Variants in FANCL observed in about 807,000 individuals in gnomAD.
The protein encoded by FANCL is FA complementation group L, also known as E3 ubiquitin-protein ligase FANCL.
Under a neutral mutation model 59.4 loss-of-function variants are expected in FANCL, and 69 were observed. That is an observed-to-expected ratio of 1.16 (90% CI 0.96 to 1.42). FANCL has a LOEUF of 1.42. Ranked by LOEUF, FANCL falls within the 40% of genes most tolerant of loss-of-function variation. The pLI is 0.00. For missense variants in FANCL, 519 were observed against 447.2 expected (o/e 1.16, Z -1.45); for synonymous variants, 180 against 147.1 (o/e 1.22, Z -1.62).
chr2:58,164,375 G>A (rs930632876), intron 8 of FANCL, among the ~76,000 whole-genome samples: 2 of 151,916 alleles, frequency 1.3e-5, no homozygotes, highest in African/African-American at 4.8e-5. Context: ...AGAAAAAAAT[G>A]ACTAGCCATT....
rs980090918 is a variant in FANCL, at chr2:58,162,757, T to C, written c.903+109A>G. ...TGATGCAGATCAGAAGTCTGTGTTA[T>C]AATATTTTTCTAATTCCCTCCTTTT... On this transcript the variant is annotated intron_variant, in intron 11 of 13. Coordinates refer to ENST00000233741, the MANE Select transcript of FANCL (RefSeq NM_018062.4). 4.5e-5 allele frequency: 43 copies of C among 959,850 alleles called. No individual in the cohort carries two copies. The African/African-American group carries it at 5.2e-4, about 12-fold the overall frequency. 59.5% of individuals were successfully genotyped at this position (959,850 alleles called of 1,614,324 possible).
At chr2:58,171,950 T>C (rs768819241) in intron 7 of FANCL, among the ~76,000 whole-genome samples, 1 of 152,104 alleles carries the variant, frequency 6.6e-6, no homozygotes, top group Non-Finnish European at 1.5e-5. Flanking sequence ...CACCAGGAGA[T>C]TACATCCCGC....
At chr2:58,169,989 T>C (rs1422598581) in intron 7 of FANCL, among the ~76,000 whole-genome samples, 4 of 151,980 alleles carry the variant, frequency 2.6e-5, no homozygotes, top group African/African-American at 7.2e-5. Context: ...TTCAGGATGT[T>C]ATCCAGGACA....
intron 7 of FANCL, among the ~76,000 whole-genome samples, chr2:58,171,668 G>A (rs1035474379): frequency 2.6e-5 from 4 of 152,214 alleles, no homozygotes; most frequent in African/African-American, 7.2e-5. Flanking sequence ...ACAGCTCCCA[G>A]GGTGAGCGAC....
At chr2:58,208,634 T>C (rs190219773) in intron 5 of FANCL, among the ~76,000 whole-genome samples, 21 of 152,314 alleles carry the variant, frequency 1.4e-4, no homozygotes, top group African/African-American at 3.8e-4. Context: ...GCAGACTGCT[T>C]CAAAAGACAG....
intron 12 of FANCL, 35 bp from the exon 13 acceptor site, chr2:58,160,214 CATG>C: frequency 6.3e-7 from 1 of 1,599,142 alleles, no homozygotes; most frequent in Non-Finnish European, 8.6e-7. Flanking sequence ...GAAGCGTCAG[CATG>C]ATTACAAATT....
intron 4 of FANCL, among the ~76,000 whole-genome samples, chr2:58,225,995 T>TA (rs925758203): frequency 4.1e-4 from 63 of 152,148 alleles, no homozygotes; most frequent in African/African-American, 1.4e-3. Context: ...TATAATAATA[T>TA]ATTTAAAAAC....
Position 58,204,214 on chromosome 2 carries a change from C to G in FANCL, c.387G>C (p.Ala129=). Reference sequence around the variant, plus strand: ...ACTTGATGGTACTGAAGCAGGTATCCGCATACACAAGTCTGGTGAGCAGAG... The same window carrying G: ...ACTTGATGGTACTGAAGCAGGTATCGGCATACACAAGTCTGGTGAGCAGAG... ...GTLGWDKLVY[A]DTCFSTIKLK... The change falls in exon 6 of 14, where the codon GCG becomes GCC. Residue 129 remains alanine, a synonymous_variant. Transcript: ENST00000233741. 2 of 1,612,850 alleles carry G rather than the reference C, an allele frequency of 1.2e-6. No homozygotes were observed. Among genetic ancestry groups the G allele is most frequent in the Non-Finnish European group, 1.7e-6 (2 of 1,179,038 alleles).
At chr2:58,197,271 T>C (rs187031955) in intron 7 of FANCL, among the ~76,000 whole-genome samples, 112 of 152,094 alleles carry the variant, frequency 7.4e-4, no homozygotes, top group African/African-American at 2.4e-3. Context: ...GGCTTTTTAT[T>C]TTTTTACTAA....
At chr2:58,206,195 G>A (rs568233855) in intron 5 of FANCL, among the ~76,000 whole-genome samples, 1 of 152,118 alleles carries the variant, frequency 6.6e-6, no homozygotes, top group African/African-American at 2.4e-5. Flanking sequence ...CGTGAAAGAG[G>A]TTTAAGAAAC....
At chr2:58,165,973 T>A (rs1012329901) in intron 7 of FANCL, 99 bp from the exon 8 acceptor site, 1 of 1,229,420 alleles carries the variant, frequency 8.1e-7, no homozygotes, top group African/African-American at 1.5e-5. Context: ...TTTAAGCTGT[T>A]TCATTTTAGC....
chr2:58,159,495 G>C lies in FANCL; in HGVS notation c.*270C>G. On this transcript the variant is annotated 3_prime_UTR_variant, in exon 14 of 14. Coordinates refer to ENST00000233741, the MANE Select transcript of FANCL (RefSeq NM_018062.4). ...ATTTTACCAGTCCAGATATATTCAA[G>C]AAGTCAAGATCTCCATCTTGGTATA... is the stretch of plus-strand genomic sequence containing the variant. 1 of 1,613,634 alleles carries C rather than the reference G, an allele frequency of 6.2e-7. No individual in the cohort carries two copies. Among genetic ancestry groups the C allele is most frequent in the Non-Finnish European group, 8.5e-7 (1 of 1,179,740 alleles).
At chr2:58,196,601 T>A (rs1304352544) in intron 7 of FANCL, among the ~76,000 whole-genome samples, 1 of 151,984 alleles carries the variant, frequency 6.6e-6, no homozygotes, top group Non-Finnish European at 1.5e-5. Flanking sequence ...AGCATGTGGA[T>A]ATAAAATTTA....
At chr2:58,187,555 T>TA in intron 7 of FANCL, among the ~76,000 whole-genome samples, 1 of 151,308 alleles carries the variant, frequency 6.6e-6, no homozygotes, top group East Asian at 1.9e-4. Context: ...CCCTAAAACT[T>TA]AAAGTATAAT....
intron 5 of FANCL, among the ~76,000 whole-genome samples, chr2:58,217,178 A>ATT (rs1558806409): frequency 7.6e-3 from 67 of 8,800 alleles, no homozygotes; most frequent in African/African-American, 0.023. Flanking sequence ...ATATATATAT[A>ATT]TATATATATA....
chr2:58,215,508 G>C (rs1175519137), intron 5 of FANCL, among the ~76,000 whole-genome samples: 3 of 152,018 alleles, frequency 2.0e-5, no homozygotes, highest in African/African-American at 7.2e-5. Context: ...GAAAATGGGG[G>C]AAAAAAATTG....
At chr2:58,238,212 C>A (rs955319944) in intron 1 of FANCL, among the ~76,000 whole-genome samples, 3 of 151,930 alleles carry the variant, frequency 2.0e-5, no homozygotes, top group African/African-American at 7.3e-5. Context: ...TTATGTGTGC[C>A]CAAGACAATT....
At chr2:58,175,982 A>G (rs1013764264) in intron 7 of FANCL, among the ~76,000 whole-genome samples, 1 of 152,212 alleles carries the variant, frequency 6.6e-6, no homozygotes, top group African/African-American at 2.4e-5. Flanking sequence ...ATTCTTACAC[A>G]CTAATAACAG....
At chr2:58,179,336 C>A (rs1172159487) in intron 7 of FANCL, among the ~76,000 whole-genome samples, 1 of 152,178 alleles carries the variant, frequency 6.6e-6, no homozygotes, top group African/African-American at 2.4e-5. Context: ...TCAAACTATA[C>A]TGCAAGGCAT....
Sources: allele counts gnomAD v4.1 joint callset (sites outside exome capture counted in the v4.1 genomes callset), GRCh38; gene constraint gnomAD v4.1.1; transcripts MANE v1.5; gene names NCBI Gene and HGNC (gene_info 2026-07-23, HGNC 2026-07-21).